The following PRDM15 variants were observed in gnomAD, a reference collection of about 807,000 sequenced individuals.
The protein encoded by PRDM15 is PR/SET domain 15, also known as PR domain zinc finger protein 15.
In PRDM15, 64 loss-of-function variants were observed where a neutral mutation model predicts 128.6. The ratio of observed to expected loss-of-function variants is 0.50; its 90% CI spans 0.41 to 0.61. The LOEUF (loss-of-function observed/expected upper bound fraction) is 0.61. PRDM15 is among the 20% of genes least tolerant of loss of function. The probability of loss-of-function intolerance (pLI) is 0.00; values close to 1 mark genes in which losing one functional copy is unlikely to be tolerated. For missense variants in PRDM15, 1,242 were observed against 1,569.1 expected, an observed-to-expected ratio of 0.79 and a Z score of 3.52; for synonymous variants, 615 against 621.8, an observed-to-expected ratio of 0.99 and a Z score of 0.16.
At chr21:41,819,477 A>T in intron 18 of PRDM15, 105 bp downstream of exon 18, 1 of 380,004 alleles carries the variant, frequency 2.6e-6, no homozygotes, top group Non-Finnish European at 4.3e-6. Flanking sequence ...CCCCCGCCAC[A>T]CCCACCTTCC....
Position 41,815,772 on chromosome 21 carries a change from C to T in PRDM15, c.2325G>A (p.Glu775=). The T allele has an allele frequency of 6.2e-7, 1 of 1,614,130 alleles. No individual in the cohort carries two copies. Among genetic ancestry groups the T allele is most frequent in the Non-Finnish European group, 8.5e-7 (1 of 1,179,970 alleles). Residue 775 remains glutamate, a synonymous_variant, in exon 19 of 24, where the codon GAG becomes GAA. Transcript: ENST00000398548. ...MKLHKGIKEY[E]CKECHRRFAQ... Reference sequence around the variant, plus strand: ...CGAACCTGCGGTGGCACTCCTTGCACTCGTACTCCTTGATGCCCTTGTGCA... The same window carrying T: ...CGAACCTGCGGTGGCACTCCTTGCATTCGTACTCCTTGATGCCCTTGTGCA...
rs1395274286 is a variant in PRDM15 at position 41,798,737 on chromosome 21, T to C, written c.*2503A>G. On this transcript the variant is annotated 3_prime_UTR_variant, in exon 24 of 24. Coordinates refer to ENST00000398548, the MANE Select transcript of PRDM15 (RefSeq NM_001040424.3). ...TAATGTCTTCCTTTATGAATACATC[T>C]GTGCACCTGGGATCAGTTAAAAAAC... 6.6e-6 allele frequency: 1 copy of C among 152,236 alleles called. No homozygotes were observed. The highest frequency in any genetic ancestry group is 2.4e-5 in the African/African-American group (1 of 41,456). The allele number at this position is 152,236 out of a possible 1,614,324, so 9.4% of individuals were successfully genotyped here. A position where few individuals can be genotyped will look rare whatever the true frequency, so the allele number is the denominator to read the frequency against.
chr21:41,802,685 A>G, intron 23 of PRDM15, 27 bp downstream of exon 23: 1 of 1,599,800 alleles, frequency 6.3e-7, no homozygotes, highest in Non-Finnish European at 8.6e-7. Flanking sequence ...ACCGGCACCT[A>G]ATCAGAACAT....
intron 21 of PRDM15, among the ~76,000 whole-genome samples, chr21:41,806,516 C>CCAT (rs2061652651): frequency 1.5e-4 from 3 of 19,434 alleles, no homozygotes; most frequent in Admixed American, 6.8e-4. Flanking sequence ...ACCATCACCA[C>CCAT]CACCATCACC....
At chr21:41,823,510 C>T in intron 13 of PRDM15, 61 bp from the exon 14 acceptor site, 2 of 1,514,212 alleles carry the variant, frequency 1.3e-6, no homozygotes, top group Non-Finnish European at 1.8e-6. Flanking sequence ...AGGAGCCTCT[C>T]CATCAGGCTC....
chr21:41,860,016 T>C (rs1257828599), intron 2 of PRDM15, among the ~76,000 whole-genome samples: 1 of 152,062 alleles, frequency 6.6e-6, no homozygotes, highest in Non-Finnish European at 1.5e-5. Context: ...TGAGCATAAA[T>C]GAAAATGGCC....
rs975811902 is a variant in PRDM15, at chr21:41,862,530, C to G, written c.-9-2158G>C. Among the ~76,000 whole-genome samples the G allele has an allele frequency of 6.6e-6, 1 of 152,112 alleles. No individual in the cohort carries two copies. The highest frequency in any genetic ancestry group is 1.5e-5 in the Non-Finnish European group (1 of 68,012). On this transcript the variant is annotated intron_variant, in intron 1 of 23. Coordinates refer to ENST00000398548, the MANE Select transcript of PRDM15 (RefSeq NM_001040424.3). This position sits in a 1 kb window ranked among gnomAD's most constrained non-coding sequence, Gnocchi z 4.1. ...GAGAGGGGCGAGGGAAGCTGGAGAGCAGGGTTTTAGCCCCCTGTGCTGCAC... is the reference window on the plus strand; with the variant it reads ...GAGAGGGGCGAGGGAAGCTGGAGAGGAGGGTTTTAGCCCCCTGTGCTGCAC...
chr21:41,855,794 G>T (rs1458367528), intron 4 of PRDM15, among the ~76,000 whole-genome samples: 1 of 152,206 alleles, frequency 6.6e-6, no homozygotes, highest in African/African-American at 2.4e-5. Flanking sequence ...TACGTCGACC[G>T]GATGGGTGCT....
chr21:41,828,112 C>G lies in PRDM15; in HGVS notation c.1534+54G>C. 6.3e-7 allele frequency: 1 copy of G among 1,595,724 alleles called. No homozygotes were observed. The highest frequency in any genetic ancestry group is 2.2e-4 in the Middle Eastern group (1 of 4,616). ...CTGACTGCTCCATGCCGCCCTGCCC[C>G]ACCCCGCAGGAGCTGCCTCTCCCCG... On this transcript the variant is annotated intron_variant, in intron 12 of 23. Coordinates refer to ENST00000398548, the MANE Select transcript of PRDM15 (RefSeq NM_001040424.3). The surrounding 1 kb of genome is among the most constrained non-coding windows in gnomAD (Gnocchi z 5.7).
intron 6 of PRDM15, among the ~76,000 whole-genome samples, chr21:41,840,590 A>G (rs1420267618): frequency 6.6e-6 from 1 of 152,134 alleles, no homozygotes; most frequent in Admixed American, 6.5e-5. Context: ...ATTCCTTGCT[A>G]AAGAGCTTAC....
At position 41,821,783 on chromosome 21, in the gene PRDM15, T is replaced by G; in HGVS notation, c.1896+120A>C. 5 of 1,264,184 alleles carry G rather than the reference T, an allele frequency of 4.0e-6. No individual in the cohort carries two copies. The highest frequency in any genetic ancestry group is 1.3e-5 in the South Asian group (1 of 76,362). The allele number at this position is 1,264,184 out of a possible 1,614,324, so 78.3% of individuals were successfully genotyped here. On this transcript the variant is annotated intron_variant, in intron 15 of 23. Transcript: ENST00000398548. This position sits in a 1 kb window ranked among gnomAD's most constrained non-coding sequence, Gnocchi z 5.4. ...GCAGTAGGACCACTGGCCGGAGCCTTTGGGGAGGGAGGGCTGCTTCCGAGA... is the reference window on the plus strand; with the variant it reads ...GCAGTAGGACCACTGGCCGGAGCCTGTGGGGAGGGAGGGCTGCTTCCGAGA...
At chr21:41,805,329 TG>T (rs2061529460) in intron 21 of PRDM15, among the ~76,000 whole-genome samples, 1 of 152,160 alleles carries the variant, frequency 6.6e-6, no homozygotes, top group African/African-American at 2.4e-5. Flanking sequence ...GGGGAGGGGC[TG>T]CAAAACAAAA....
At chr21:41,839,505 C>G in intron 7 of PRDM15, 118 bp downstream of exon 7, 1 of 763,550 alleles carries the variant, frequency 1.3e-6, no homozygotes, top group Non-Finnish European at 2.2e-6. Flanking sequence ...CTACCTTCCA[C>G]GAGGCCTTTC....
chr21:41,838,141 C>T, intron 7 of PRDM15, 78 bp from the exon 8 acceptor site: 3 of 1,506,306 alleles, frequency 2.0e-6, no homozygotes, highest in Non-Finnish European at 1.8e-6. Flanking sequence ...TGACACACTG[C>T]CCCATGGGAA....
intron 11 of PRDM15, among the ~76,000 whole-genome samples, chr21:41,830,049 G>T (rs2062628566): frequency 7.0e-6 from 1 of 142,536 alleles, no homozygotes; most frequent in Non-Finnish European, 1.5e-5. Context: ...ATCATACAAC[G>T]TACACCCACA....
intron 1 of PRDM15, among the ~76,000 whole-genome samples, chr21:41,866,928 C>T (rs1024011452): frequency 6.6e-6 from 1 of 152,084 alleles, no homozygotes; most frequent in African/African-American, 2.4e-5. Context: ...CCTGGGGAGA[C>T]CCTACTCACT....
chr21:41,805,440 T>C (rs981245673), intron 21 of PRDM15, among the ~76,000 whole-genome samples: 4 of 152,184 alleles, frequency 2.6e-5, no homozygotes, highest in African/African-American at 9.7e-5. Context: ...AAAAGCAGAC[T>C]ATGCTTTGTG....
At chr21:41,851,444 C>A (rs754195831) in intron 5 of PRDM15, among the ~76,000 whole-genome samples, 2 of 152,192 alleles carry the variant, frequency 1.3e-5, no homozygotes, top group Non-Finnish European at 2.9e-5. Context: ...GTGCATTGGG[C>A]GGGCAGGGCT....
rs1165875283 is a variant in PRDM15, at chr21:41,801,596, C to T, written c.3070G>A (p.Val1024Met). The T allele has an allele frequency of 9.3e-6, 15 of 1,614,146 alleles. No homozygotes were observed. Among genetic ancestry groups the T allele is most frequent in the East Asian group, 8.9e-5 (4 of 44,884 alleles). The stretch of plus-strand genomic sequence containing the variant: ...CGTTCAGGGGTGGTAAGGTGCCCCA[C>T]GGCCACCGGCTGGAGATTGGTAAAC... ...TQFTNLQPVA[V>M]GHLTTPERQL... Residue 1024 changes from valine to methionine, a missense_variant, in exon 24 of 24, where the codon GTG becomes ATG. Val to Met is a conservative substitution (Grantham distance 21). Coordinates refer to ENST00000398548, the MANE Select transcript of PRDM15 (RefSeq NM_001040424.3).
Sources: gnomAD v4.1 joint callset for allele counts (sites outside exome capture counted in the v4.1 genomes callset) on GRCh38, gnomAD v4.1.1 for gene constraint, Gnocchi (gnomAD v3.1) non-coding constraint, MANE v1.5 for transcripts, NCBI Gene and HGNC (gene_info 2026-07-23, HGNC 2026-07-21) for gene names.